Variants in QKI observed in about 807,000 individuals in gnomAD.
QKI encodes the protein KH domain-containing RNA-binding protein QKI.
QKI carries 10 observed loss-of-function variants against 39.0 expected under a neutral mutation model. The observed-to-expected ratio is 0.26, with a 90% CI of 0.16 to 0.43. The LOEUF is 0.43. QKI is among the 20% of genes least tolerant of loss of function. The pLI is 1.00. For synonymous variants in QKI, 204 were observed against 155.4 expected (o/e 1.31, Z -2.33); for missense variants, 218 against 428.0 (o/e 0.51, Z 4.33).
chr6:163,434,264 G>C (rs1418113824), intron 1 of QKI, among the ~76,000 whole-genome samples: 1 of 152,146 alleles, frequency 6.6e-6, no homozygotes. Context: ...CTAGCAGGAA[G>C]ATGGCAGTTT....
intron 3 of QKI, among the ~76,000 whole-genome samples, chr6:163,520,624 A>G (rs1388490051): frequency 6.6e-6 from 1 of 152,192 alleles, no homozygotes; most frequent in Non-Finnish European, 1.5e-5. Flanking sequence ...GCTGTTAGCT[A>G]GGTTCATATG....
At position 163,415,089 on chromosome 6, in the gene QKI, C is replaced by A; in HGVS notation, c.-105C>A. On this transcript the variant is annotated 5_prime_UTR_variant, in exon 1 of 8. Coordinates refer to ENST00000361752, the MANE Select transcript of QKI (RefSeq NM_006775.3). Reference sequence around the variant, plus strand: ...GAGCGGGAGCCGGCGCGGAGCGGGACGCCGGGTCCCGAGCGGCCCGCGGCC... The same window carrying A: ...GAGCGGGAGCCGGCGCGGAGCGGGAAGCCGGGTCCCGAGCGGCCCGCGGCC... 2.0e-6 allele frequency: 2 copies of A among 991,596 alleles called. No homozygotes were observed. Among genetic ancestry groups the A allele is most frequent in the Non-Finnish European group, 2.4e-6 (2 of 830,754 alleles). The allele number at this position is 991,596 out of a possible 1,614,324, so 61.4% of individuals were successfully genotyped here. A position where few individuals can be genotyped will look rare whatever the true frequency, so the allele number is the denominator to read the frequency against.
chr6:163,456,908 C>T (rs2128219634), intron 2 of QKI, among the ~76,000 whole-genome samples: 1 of 152,158 alleles, frequency 6.6e-6, no homozygotes, highest in Middle Eastern at 3.4e-3. Flanking sequence ...GCCTCCCAGA[C>T]TTTATCTTTA....
At chr6:163,525,887 C>T (rs1205303784) in intron 3 of QKI, among the ~76,000 whole-genome samples, 1 of 152,188 alleles carries the variant, frequency 6.6e-6, no homozygotes, top group African/African-American at 2.4e-5. Context: ...TAATGCCTAC[C>T]TCTAAGCTTA....
chr6:163,497,631 T>C (rs1244615560), intron 3 of QKI, among the ~76,000 whole-genome samples: 1 of 86,348 alleles, frequency 1.2e-5, no homozygotes, highest in African/African-American at 3.2e-5. Context: ...AGAGTAGATA[T>C]TGTTTGTTAA....
intron 4 of QKI, among the ~76,000 whole-genome samples, chr6:163,559,018 A>G (rs1043578536): frequency 3.3e-5 from 5 of 152,100 alleles, no homozygotes; most frequent in African/African-American, 9.7e-5. Context: ...CACCCTGCAC[A>G]TTACACAAGT....
intron 3 of QKI, among the ~76,000 whole-genome samples, chr6:163,496,605 A>G (rs1002952544): frequency 1.3e-5 from 2 of 152,164 alleles, no homozygotes. Flanking sequence ...ATTCAGTTAG[A>G]GTCAGGTCTT....
At chr6:163,455,507 T>A in intron 2 of QKI, 86 bp downstream of exon 2, 2 of 1,315,448 alleles carry the variant, frequency 1.5e-6, no homozygotes, top group South Asian at 3.0e-5. Context: ...TACTTAAGCA[T>A]TATTAGCCAC....
intron 4 of QKI, among the ~76,000 whole-genome samples, chr6:163,541,268 T>C (rs1266380348): frequency 6.6e-6 from 1 of 152,102 alleles, no homozygotes; most frequent in East Asian, 1.9e-4. Flanking sequence ...TTTGAGACTT[T>C]TCTGTTTATC....
chr6:163,480,529 G>C (rs1353325916), intron 3 of QKI, among the ~76,000 whole-genome samples: 1 of 151,812 alleles, frequency 6.6e-6, no homozygotes, highest in Non-Finnish European at 1.5e-5. Flanking sequence ...AAGAAATTTG[G>C]GCAAAAAGTT....
intron 3 of QKI, among the ~76,000 whole-genome samples, chr6:163,496,048 C>T (rs901714138): frequency 4.6e-5 from 7 of 152,158 alleles, no homozygotes; most frequent in African/African-American, 7.2e-5. Flanking sequence ...GTATCATTCC[C>T]TTTACATTTG....
rs1783845994 is a variant in QKI at position 163,574,083 on chromosome 6, C to CT, written c.*3375dup. ...TAGCCTTTGTTTGAGGCATTCTTCT[C>CT]TTGCCACTTGCCTTTCAGCATCTGC... On this transcript the variant is annotated 3_prime_UTR_variant, in exon 8 of 8. Coordinates refer to ENST00000361752, the MANE Select transcript of QKI (RefSeq NM_006775.3). 1 of 152,176 alleles carries CT rather than the reference C, an allele frequency of 6.6e-6. No individual in the cohort carries two copies. The highest frequency in any genetic ancestry group is 1.5e-5 in the Non-Finnish European group (1 of 68,048). The allele number at this position is 152,176 out of a possible 1,614,324, so 9.4% of individuals were successfully genotyped here.
At chr6:163,507,201 C>G (rs556580426) in intron 3 of QKI, among the ~76,000 whole-genome samples, 2 of 152,156 alleles carry the variant, frequency 1.3e-5, no homozygotes, top group Non-Finnish European at 2.9e-5. Flanking sequence ...GTAACTAGAA[C>G]TAGGGCCAAG....
chr6:163,550,557 C>G (rs1782163597), intron 4 of QKI, among the ~76,000 whole-genome samples: 1 of 152,170 alleles, frequency 6.6e-6, no homozygotes, highest in African/African-American at 2.4e-5. Context: ...TGAATTACTT[C>G]TAACTCTGGT....
At chr6:163,555,024 G>A (rs1209539265) in intron 4 of QKI, among the ~76,000 whole-genome samples, 1 of 152,162 alleles carries the variant, frequency 6.6e-6, no homozygotes, top group African/African-American at 2.4e-5. Flanking sequence ...GATCAAGGTG[G>A]TAATTGGCAT....
chr6:163,470,215 C>T (rs185390085), intron 2 of QKI, among the ~76,000 whole-genome samples: 29 of 152,134 alleles, frequency 1.9e-4, no homozygotes, highest in Admixed American at 1.4e-3. Context: ...TGGGGGATAG[C>T]GTTTGGAGTC....
intron 1 of QKI, chr6:163,415,992 T>C (rs1787435309): frequency 2.2e-6 from 1 of 464,860 alleles, no homozygotes; most frequent in Non-Finnish European, 4.2e-6. Flanking sequence ...CGAAAAGCAC[T>C]TTTTTCCCTT....
intron 3 of QKI, among the ~76,000 whole-genome samples, chr6:163,526,490 A>G (rs1209830998): frequency 6.6e-6 from 1 of 152,214 alleles, no homozygotes; most frequent in Non-Finnish European, 1.5e-5. Flanking sequence ...GTGGGCAGTA[A>G]CGAATTTTAT....
At chr6:163,421,719 A>G (rs890139195) in intron 1 of QKI, among the ~76,000 whole-genome samples, 1 of 151,484 alleles carries the variant, frequency 6.6e-6, no homozygotes, top group Non-Finnish European at 1.5e-5. Context: ...GTTTTCACTT[A>G]GCTGAAACTA....
Sources: allele counts gnomAD v4.1 joint callset (sites outside exome capture counted in the v4.1 genomes callset), GRCh38; gene constraint gnomAD v4.1.1; transcripts MANE v1.5; gene names NCBI Gene and HGNC (gene_info 2026-07-23, HGNC 2026-07-21).